SLC25A13: variants seen among roughly 807,000 people sequenced by gnomAD.
The protein encoded by SLC25A13 is electrogenic aspartate/glutamate antiporter SLC25A13, mitochondrial.
Under a neutral mutation model 85.5 loss-of-function variants are expected in SLC25A13, and 70 were observed. The observed-to-expected ratio is 0.82, with a 90% CI of 0.68 to 1.00. The LOEUF is 1.00. SLC25A13 is among the 50% of genes least tolerant of loss of function. The pLI is 0.00. For missense variants in SLC25A13, 765 were observed against 819.8 expected (o/e 0.93, Z 0.82); for synonymous variants, 259 against 288.7 (o/e 0.90, Z 1.04).
chr7:96,195,279 C>T (rs1795016755), intron 5 of SLC25A13, among the ~76,000 whole-genome samples: 1 of 152,200 alleles, frequency 6.6e-6, no homozygotes, highest in South Asian at 2.1e-4. Context: ...GTTTTATTGG[C>T]CACCTCACCT....
intron 2 of SLC25A13, chr7:96,283,468 G>A: frequency 2.3e-6 from 1 of 432,124 alleles, no homozygotes; most frequent in South Asian, 1.9e-5. Flanking sequence ...TAAGAAAGGT[G>A]ATATTGTAGA....
intron 11 of SLC25A13, among the ~76,000 whole-genome samples, chr7:96,175,894 G>T (rs1227706128): frequency 6.6e-6 from 1 of 152,130 alleles, no homozygotes; most frequent in Non-Finnish European, 1.5e-5. Flanking sequence ...CCATTCCTAA[G>T]ACCTAGGCCA....
At chr7:96,169,008 A>G (rs1360307734) in intron 13 of SLC25A13, among the ~76,000 whole-genome samples, 1 of 152,188 alleles carries the variant, frequency 6.6e-6, no homozygotes, top group African/African-American at 2.4e-5. Context: ...GAACGCTCCT[A>G]AAGTTACAGA....
At chr7:96,131,693 G>A (rs750844927) in intron 15 of SLC25A13, 50 bp downstream of exon 15, 3 of 1,612,170 alleles carry the variant, frequency 1.9e-6, no homozygotes, top group Admixed American at 1.7e-5. Context: ...GCTAGGGAAG[G>A]GGGGCAGCAA....
chr7:96,251,498 G>A (rs1030891453), intron 3 of SLC25A13, among the ~76,000 whole-genome samples: 11 of 152,274 alleles, frequency 7.2e-5, no homozygotes, highest in South Asian at 2.1e-4. Context: ...TCATGCCTGC[G>A]TCTGGTTATG....
chr7:96,151,173 C>G (rs1053065942), intron 13 of SLC25A13, among the ~76,000 whole-genome samples: 1 of 152,074 alleles, frequency 6.6e-6, no homozygotes, highest in Non-Finnish European at 1.5e-5. Context: ...GGGTAATATA[C>G]CCAGCATCAC....
chr7:96,216,445 A>G (rs1258956354), intron 4 of SLC25A13, among the ~76,000 whole-genome samples: 1 of 152,182 alleles, frequency 6.6e-6, no homozygotes, highest in African/African-American at 2.4e-5. Flanking sequence ...AGACACATGC[A>G]TGTGTACATT....
At chr7:96,146,436 T>A in intron 14 of SLC25A13, 120 bp downstream of exon 14, 1 of 1,331,600 alleles carries the variant, frequency 7.5e-7, no homozygotes, top group Non-Finnish European at 1.0e-6. Context: ...GCAGCTTGGG[T>A]AGAACATCTT....
intron 3 of SLC25A13, among the ~76,000 whole-genome samples, chr7:96,257,066 G>A (rs1371031470): frequency 6.6e-6 from 1 of 152,226 alleles, no homozygotes; most frequent in African/African-American, 2.4e-5. Context: ...AGCTAAAGCA[G>A]TGTTTAGAGG....
intron 1 of SLC25A13, 23 bp downstream of exon 1, chr7:96,321,919 C>T (rs1345408999): frequency 6.5e-7 from 1 of 1,529,466 alleles, no homozygotes; most frequent in Non-Finnish European, 8.8e-7. Flanking sequence ...GCGCGCTCCC[C>T]CCGGCCTCGG....
At chr7:96,196,887 A>G (rs1795082954) in intron 5 of SLC25A13, among the ~76,000 whole-genome samples, 1 of 152,246 alleles carries the variant, frequency 6.6e-6, no homozygotes, top group African/African-American at 2.4e-5. Flanking sequence ...GACCTCAACC[A>G]GTATGACAAC....
rs181386651 is a variant in SLC25A13, at chr7:96,232,484, T to A, written c.328+2318A>T. ...GAGGGAGAGAATCAGGAAAAATAAC[T>A]AATGGGTACTAGGTTTAATATCTGA... On this transcript the variant is annotated intron_variant, in intron 4 of 17. Transcript: ENST00000265631. Among the ~76,000 whole-genome samples, 80 of 152,070 alleles carry A rather than the reference T, an allele frequency of 5.3e-4. No homozygotes were observed. In the East Asian group the frequency reaches 0.015, roughly 28 times the overall value.
At chr7:96,167,981 T>C (rs1793826108) in intron 13 of SLC25A13, among the ~76,000 whole-genome samples, 1 of 151,024 alleles carries the variant, frequency 6.6e-6, no homozygotes, top group East Asian at 2.0e-4. Context: ...GTGCCTGTAG[T>C]CCCAGCTACT....
At position 96,173,133 on chromosome 7, in the gene SLC25A13, AG is replaced by A; in HGVS notation, c.1178-1610del. ...TTTTTCTTTGCTCATAGCCTTATAA[AG>A]GGGGAAAACTAAAAAGATGAATACA... On this transcript the variant is annotated intron_variant, in intron 11 of 17. Coordinates refer to ENST00000265631, the MANE Select transcript of SLC25A13 (RefSeq NM_014251.3). Among the ~76,000 whole-genome samples the A allele has an allele frequency of 2.0e-5, 3 of 152,324 alleles. No homozygotes were observed. In the Middle Eastern group the frequency reaches 0.01, roughly 518 times the overall value.
At chr7:96,263,583 A>G (rs1255643195) in intron 3 of SLC25A13, among the ~76,000 whole-genome samples, 1 of 152,054 alleles carries the variant, frequency 6.6e-6, no homozygotes, top group African/African-American at 2.4e-5. Flanking sequence ...TCATCTGACT[A>G]TACCACTCAG....
At chr7:96,304,758 C>T (rs1197142081) in intron 1 of SLC25A13, among the ~76,000 whole-genome samples, 1 of 152,174 alleles carries the variant, frequency 6.6e-6, no homozygotes, top group African/African-American at 2.4e-5. Context: ...GCAACACAAT[C>T]ACCTATGGGA....
In SLC25A13 at chr7:96,137,880, T is replaced by C. The variant is rs532054052; in HGVS notation, c.1453-5999A>G. ...CCTTGTGATCTGCCCGCCTCAGCAC[T>C]CTCTGCTGTGATTCTGGGGGCTGCC... On this transcript the variant is annotated intron_variant, in intron 14 of 17. Coordinates refer to ENST00000265631, the MANE Select transcript of SLC25A13 (RefSeq NM_014251.3). Among the ~76,000 whole-genome samples, 18 of 152,290 alleles carry C rather than the reference T, an allele frequency of 1.2e-4. No individual in the cohort carries two copies. The South Asian group carries it at 3.7e-3, about 32-fold the overall frequency.
At chr7:96,144,338 C>T (rs988056710) in intron 14 of SLC25A13, among the ~76,000 whole-genome samples, 3 of 152,076 alleles carry the variant, frequency 2.0e-5, no homozygotes, top group South Asian at 2.1e-4. Flanking sequence ...TCCTGACTCC[C>T]GGGTCTCTGA....
At chr7:96,171,629 G>A (rs1794007145) in intron 11 of SLC25A13, 105 bp from the exon 12 acceptor site, 2 of 964,912 alleles carry the variant, frequency 2.1e-6, no homozygotes, top group Middle Eastern at 3.0e-4. Context: ...CTTAATCTCT[G>A]CTGCAATTTT....
Sources: gnomAD v4.1 joint callset for allele counts (sites outside exome capture counted in the v4.1 genomes callset) on GRCh38, gnomAD v4.1.1 for gene constraint, MANE v1.5 for transcripts, NCBI Gene and HGNC (gene_info 2026-07-23, HGNC 2026-07-21) for gene names.